The following NCALD variants were observed in gnomAD, a reference collection of about 807,000 sequenced individuals.
NCALD encodes the protein neurocalcin-delta.
A neutral mutation model predicts 18.6 loss-of-function variants in NCALD; 10 were observed. The ratio of observed to expected loss-of-function variants is 0.54; its 90% CI spans 0.33 to 0.91. The LOEUF (loss-of-function observed/expected upper bound fraction) is 0.91, where lower values mean the gene tolerates loss of function less well. Among genes scored for constraint, NCALD ranks in the 40% least tolerant of loss-of-function variants. NCALD has a pLI of 0.03. For missense variants in NCALD, 184 were observed against 247.6 expected, an observed-to-expected ratio of 0.74 and a Z score of 1.72; for synonymous variants, 88 against 87.4, an observed-to-expected ratio of 1.01 and a Z score of -0.04.
At chr8:101,893,009 A>T (rs1331223363) in intron 3 of NCALD, among the ~76,000 whole-genome samples, 1 of 149,064 alleles carries the variant, frequency 6.7e-6, no homozygotes, top group East Asian at 1.9e-4. Context: ...GGAAATACAG[A>T]GAACGCCACA....
chr8:101,858,693 C>T (rs1020388529), intron 4 of NCALD, among the ~76,000 whole-genome samples: 3 of 152,120 alleles, frequency 2.0e-5, no homozygotes, highest in African/African-American at 7.2e-5. Context: ...GAAAAGTCTA[C>T]AGTACAGATA....
chr8:101,801,049 AAAAAGGAAAAGG>A (rs1011125827), intron 4 of NCALD, among the ~76,000 whole-genome samples: 2 of 151,822 alleles, frequency 1.3e-5, no homozygotes, highest in Non-Finnish European at 2.9e-5. Context: ...AAAGGAAAGG[AAAAAGGAAAAGG>A]AAAAGGGAAA....
At chr8:102,116,718 G>A (rs1563631895) in intron 1 of NCALD, among the ~76,000 whole-genome samples, 1 of 151,930 alleles carries the variant, frequency 6.6e-6, no homozygotes, top group Admixed American at 6.6e-5. Flanking sequence ...TTGTTGGCCA[G>A]GCTGTTTTTG....
At chr8:102,038,387 C>T (rs1445340060) in intron 1 of NCALD, among the ~76,000 whole-genome samples, 9 of 152,156 alleles carry the variant, frequency 5.9e-5, no homozygotes, top group Non-Finnish European at 1.3e-4. Flanking sequence ...ACAGGCTTAT[C>T]ACACAATGCT....
intron 3 of NCALD, among the ~76,000 whole-genome samples, chr8:101,892,600 A>C (rs1407595204): frequency 6.7e-6 from 1 of 149,160 alleles, no homozygotes; most frequent in Admixed American, 6.6e-5. Flanking sequence ...AAGGCAAAGA[A>C]GTTGAACACT....
chr8:102,003,579 A>G (rs1821567513), intron 2 of NCALD, among the ~76,000 whole-genome samples: 1 of 152,236 alleles, frequency 6.6e-6, no homozygotes, highest in Non-Finnish European at 1.5e-5. Flanking sequence ...CACAACAAAA[A>G]GAGAATTTTA....
At chr8:101,930,563 C>G (rs1490068936) in intron 2 of NCALD, among the ~76,000 whole-genome samples, 1 of 151,924 alleles carries the variant, frequency 6.6e-6, no homozygotes, top group Non-Finnish European at 1.5e-5. Context: ...GGGTCCTCTT[C>G]CTCCCTCGTC....
chr8:101,982,213 G>A (rs1353449860), intron 2 of NCALD, among the ~76,000 whole-genome samples: 2 of 152,204 alleles, frequency 1.3e-5, no homozygotes, highest in East Asian at 3.9e-4. Context: ...AAATTACCCA[G>A]TCTCAGGTAT....
At chr8:101,916,340 CA>C (rs1363180005) in intron 2 of NCALD, among the ~76,000 whole-genome samples, 1 of 151,996 alleles carries the variant, frequency 6.6e-6, no homozygotes, top group Non-Finnish European at 1.5e-5. Flanking sequence ...AATTCATTAC[CA>C]CTAGACCAGC....
chr8:101,917,337 C>A (rs1482282391), intron 2 of NCALD, among the ~76,000 whole-genome samples: 1 of 151,794 alleles, frequency 6.6e-6, no homozygotes, highest in African/African-American at 2.4e-5. Context: ...TGGGATTCTG[C>A]AAAAGCAGAG....
chr8:101,795,801 A>G (rs892300780), upstream of NCALD, among the ~76,000 whole-genome samples: 2 of 152,236 alleles, frequency 1.3e-5, no homozygotes, highest in East Asian at 1.9e-4. Context: ...TTGGAGTACA[A>G]ATATTTAAAT....
At chr8:102,086,771 TAAA>T (rs1824751264) in intron 1 of NCALD, among the ~76,000 whole-genome samples, 1 of 152,190 alleles carries the variant, frequency 6.6e-6, no homozygotes, top group East Asian at 1.9e-4. Context: ...CCCAGACTGT[TAAA>T]GCATTCAAAG....
intron 1 of NCALD, among the ~76,000 whole-genome samples, chr8:101,764,056 A>C (rs7462491): frequency 1.3e-5 from 2 of 151,348 alleles, no homozygotes; most frequent in African/African-American, 4.9e-5. Flanking sequence ...TAAATAATGC[A>C]CTGAGCTTGG....
Position 101,688,254 on chromosome 8 carries a change from G to C in NCALD, c.*1055C>G, listed in dbSNP as rs1814552728. 1 of 187,106 alleles carries C rather than the reference G, an allele frequency of 5.3e-6. No homozygotes were observed. The highest frequency in any genetic ancestry group is 1.1e-5 in the Non-Finnish European group (1 of 88,896). The allele number at this position is 187,106 out of a possible 1,614,324, so 11.6% of individuals were successfully genotyped here. A position where few individuals can be genotyped will look rare whatever the true frequency, so the allele number is the denominator to read the frequency against. On this transcript the variant is annotated 3_prime_UTR_variant, in exon 4 of 4. Transcript: ENST00000220931. Reference sequence around the variant, plus strand: ...AACATTCCTGTGCTCCAATTGTCCTGTCCCACTACCACCTGCTCTGCATCT... The same window carrying C: ...AACATTCCTGTGCTCCAATTGTCCTCTCCCACTACCACCTGCTCTGCATCT...
intron 2 of NCALD, among the ~76,000 whole-genome samples, chr8:102,011,637 T>C (rs559245333): frequency 1.3e-5 from 2 of 152,292 alleles, no homozygotes; most frequent in South Asian, 4.2e-4. Context: ...AATAAACACA[T>C]AAAGTAGGTA....
chr8:102,017,334 C>A (rs1822119126), intron 2 of NCALD, among the ~76,000 whole-genome samples: 1 of 151,814 alleles, frequency 6.6e-6, no homozygotes, highest in Non-Finnish European at 1.5e-5. Context: ...AAATATAAAG[C>A]TTAAAGCTTT....
At chr8:101,735,494 T>G (rs1356369729) in intron 1 of NCALD, among the ~76,000 whole-genome samples, 1 of 152,194 alleles carries the variant, frequency 6.6e-6, no homozygotes, top group African/African-American at 2.4e-5. Context: ...TCTGCAGGGC[T>G]TTTAAGGGCT....
Position 101,988,902 on chromosome 8 carries a change from G to GAAAAAAAAAAA in NCALD, c.-157+31324_-157+31334dup, listed in dbSNP as rs35196499. 7.6e-5 allele frequency among the ~76,000 whole-genome samples: 5 copies of GAAAAAAAAAAA among 66,074 alleles called. 1 individual carries two copies. Among genetic ancestry groups the GAAAAAAAAAAA allele is most frequent in the African/African-American group, 1.2e-4 (2 of 16,542 alleles). 43.3% of individuals were successfully genotyped at this position (66,074 alleles called of 152,430 possible). Reference sequence around the variant, plus strand: ...ATGAGCTAGACAGCAGGTGCCAGCAGAAAAAAAAAAAAAAAAAAAAAACAG... The same window carrying GAAAAAAAAAAA: ...ATGAGCTAGACAGCAGGTGCCAGCAGAAAAAAAAAAAAAAAAAAAAAAAAAAAAAAAAACAG... On this transcript the variant is annotated intron_variant, in intron 2 of 6. Transcript: ENST00000311028.
chr8:101,944,935 C>T (rs1018950834), intron 2 of NCALD, among the ~76,000 whole-genome samples: 1 of 152,172 alleles, frequency 6.6e-6, no homozygotes. Flanking sequence ...CTTTCAAATC[C>T]CAGCCTGTAG....
Sources: allele counts gnomAD v4.1 joint callset (sites outside exome capture counted in the v4.1 genomes callset), GRCh38; gene constraint gnomAD v4.1.1; transcripts MANE v1.5; gene names NCBI Gene and HGNC (gene_info 2026-07-23, HGNC 2026-07-21).